Variants in NR1H4 observed in about 807,000 individuals in gnomAD.
NR1H4 encodes the protein bile acid receptor.
Under a neutral mutation model 58.5 loss-of-function variants are expected in NR1H4, and 23 were observed. The ratio of observed to expected loss-of-function variants is 0.39; its 90% CI spans 0.28 to 0.56. NR1H4 has a LOEUF of 0.56. Among genes scored for constraint, NR1H4 ranks in the 20% least tolerant of loss-of-function variants. The pLI is 0.58. For missense variants in NR1H4, 487 were observed against 576.9 expected (o/e 0.84, Z 1.60); for synonymous variants, 214 against 198.0 (o/e 1.08, Z -0.68).
intron 1 of NR1H4, among the ~76,000 whole-genome samples, chr12:100,488,432 A>T (rs117741094): frequency 6.6e-6 from 1 of 152,354 alleles, no homozygotes; most frequent in East Asian, 1.9e-4. Context: ...CATAGTTTTG[A>T]GTAAATGGGT....
intron 9 of NR1H4, among the ~76,000 whole-genome samples, chr12:100,561,048 A>T (rs1955459267): frequency 6.6e-6 from 1 of 152,124 alleles, no homozygotes; most frequent in Non-Finnish European, 1.5e-5. Flanking sequence ...CCAATTACTG[A>T]TGCTTAGTAG....
intron 3 of NR1H4, among the ~76,000 whole-genome samples, chr12:100,498,825 C>T (rs1001026617): frequency 4.6e-5 from 7 of 152,140 alleles, no homozygotes; most frequent in African/African-American, 1.4e-4. Context: ...GGAGGTAGAT[C>T]CTATACAATC....
intron 9 of NR1H4, among the ~76,000 whole-genome samples, chr12:100,553,222 T>A (rs1007033235): frequency 6.6e-6 from 1 of 152,126 alleles, no homozygotes; most frequent in Non-Finnish European, 1.5e-5. Context: ...ATGGTCTTGA[T>A]CTCTTGACCT....
intron 3 of NR1H4, chr12:100,500,164 T>C: frequency 3.0e-6 from 1 of 335,560 alleles, no homozygotes; most frequent in Non-Finnish European, 5.8e-6. Flanking sequence ...AATGTTTAAG[T>C]CTCCAGGCTT....
chr12:100,483,708 G>T (rs1953429516), intron 1 of NR1H4, among the ~76,000 whole-genome samples: 1 of 152,108 alleles, frequency 6.6e-6, no homozygotes, highest in Non-Finnish European at 1.5e-5. Context: ...TCCAGGTCAG[G>T]CGCGGTGGCT....
intron 9 of NR1H4, among the ~76,000 whole-genome samples, chr12:100,557,684 G>A (rs1022231254): frequency 6.6e-6 from 1 of 152,060 alleles, no homozygotes; most frequent in Non-Finnish European, 1.5e-5. Context: ...GAGGACATGC[G>A]GTATTTGATT....
rs374603310 is a variant in NR1H4 at position 100,508,684 on chromosome 12, C to T, written c.80-2094C>T. Among the ~76,000 whole-genome samples the T allele has an allele frequency of 9.9e-5, 15 of 152,202 alleles. No homozygotes were observed. The East Asian group carries it at 1.6e-3, about 16-fold the overall frequency. On this transcript the variant is annotated intron_variant, in intron 3 of 10. Coordinates refer to ENST00000392986, the MANE Select transcript of NR1H4 (RefSeq NM_001206979.2). The stretch of plus-strand genomic sequence containing the variant: ...GAGAACATACAAGTGCCTGCTACTA[C>T]GAAGAACTCTATAAAAGTTTTCTGC...
intron 1 of NR1H4, among the ~76,000 whole-genome samples, chr12:100,477,869 C>T (rs1953302792): frequency 6.6e-6 from 1 of 152,174 alleles, no homozygotes. Flanking sequence ...TCTTGCTCTC[C>T]TGGAGTCCCG....
At chr12:100,486,185 G>A (rs1049787692) in intron 1 of NR1H4, among the ~76,000 whole-genome samples, 3 of 152,060 alleles carry the variant, frequency 2.0e-5, no homozygotes, top group Admixed American at 6.6e-5. Flanking sequence ...GTCAGAACTG[G>A]CACTCCACCC....
chr12:100,555,591 T>C (rs1407222621), intron 9 of NR1H4, among the ~76,000 whole-genome samples: 1 of 152,224 alleles, frequency 6.6e-6, no homozygotes, highest in Non-Finnish European at 1.5e-5. Context: ...TAATAGCTAC[T>C]ATTATAATTA....
At chr12:100,501,183 G>A (rs1174028753) in intron 3 of NR1H4, among the ~76,000 whole-genome samples, 6 of 151,570 alleles carry the variant, frequency 4.0e-5, no homozygotes, top group Admixed American at 2.0e-4. Context: ...ATTTATTTTG[G>A]CCAGTGAAAA....
intron 8 of NR1H4, 138 bp downstream of exon 8, chr12:100,537,185 G>A: frequency 3.2e-6 from 2 of 633,442 alleles, no homozygotes; most frequent in Non-Finnish European, 2.8e-6. Flanking sequence ...CTATTACTTT[G>A]CCAAGTATTT....
chr12:100,514,931 T>C (rs1393740767), intron 4 of NR1H4, among the ~76,000 whole-genome samples: 2 of 151,912 alleles, frequency 1.3e-5, no homozygotes, highest in Non-Finnish European at 2.9e-5. Context: ...ACCAATAAAA[T>C]AATGAAGTAT....
chr12:100,520,016 G>A (rs2136193510), intron 4 of NR1H4, among the ~76,000 whole-genome samples: 1 of 152,226 alleles, frequency 6.6e-6, no homozygotes, highest in East Asian at 1.9e-4. Context: ...AATGAGGAAG[G>A]GCTGTGAGGA....
At chr12:100,537,518 G>A (rs78688448) in intron 8 of NR1H4, among the ~76,000 whole-genome samples, 4,616 of 152,222 alleles carry the variant, frequency 0.03, 214 homozygotes, top group African/African-American at 0.097. Flanking sequence ...TAATAATAAT[G>A]ATAAATACAC....
intron 9 of NR1H4, among the ~76,000 whole-genome samples, chr12:100,550,282 A>C (rs1955175283): frequency 6.6e-6 from 1 of 152,194 alleles, no homozygotes; most frequent in African/African-American, 2.4e-5. Context: ...TGGAATTGTT[A>C]ATAAAAATAG....
At chr12:100,500,141 G>A in intron 3 of NR1H4, 2 of 333,882 alleles carry the variant, frequency 6.0e-6, no homozygotes, top group South Asian at 2.5e-5. Context: ...ATCAGGACAA[G>A]GAAACAAAAT....
intron 9 of NR1H4, among the ~76,000 whole-genome samples, chr12:100,544,209 G>A (rs1216042971): frequency 7.3e-6 from 1 of 136,358 alleles, no homozygotes; most frequent in Non-Finnish European, 1.5e-5. Flanking sequence ...CCGAGATCAC[G>A]CCACTGTACT....
intron 1 of NR1H4, among the ~76,000 whole-genome samples, chr12:100,488,893 G>T (rs1953550126): frequency 6.6e-6 from 1 of 152,132 alleles, no homozygotes; most frequent in Admixed American, 6.6e-5. Flanking sequence ...AAAGTGTGTT[G>T]AAGGAGCATA....
Sources: gnomAD v4.1 joint callset for allele counts (sites outside exome capture counted in the v4.1 genomes callset) on GRCh38, gnomAD v4.1.1 for gene constraint, MANE v1.5 for transcripts, NCBI Gene and HGNC (gene_info 2026-07-23, HGNC 2026-07-21) for gene names.